SLCO4C1: variants seen among roughly 807,000 people sequenced by gnomAD.
SLCO4C1 encodes the protein organic anion transporter M1.
A neutral mutation model predicts 72.1 loss-of-function variants in SLCO4C1; 58 were observed. The observed-to-expected ratio is 0.80, with a 90% confidence interval of 0.65 to 1.00. SLCO4C1 has a LOEUF of 1.00. Ranked by LOEUF, SLCO4C1 falls within the 50% of genes least tolerant of loss-of-function variation. SLCO4C1 has a pLI of 0.00. For synonymous variants in SLCO4C1, 297 were observed against 312.5 expected (o/e 0.95, Z 0.52); for missense variants, 898 against 857.9 (o/e 1.05, Z -0.58).
intron 3 of SLCO4C1, among the ~76,000 whole-genome samples, chr5:102,269,168 T>C (rs1398729713): frequency 3.9e-5 from 6 of 152,140 alleles, no homozygotes; most frequent in Non-Finnish European, 7.4e-5. Context: ...GTTGAATCTA[T>C]TTGGGAATCC....
At chr5:102,285,845 C>T (rs1391612570) in intron 2 of SLCO4C1, among the ~76,000 whole-genome samples, 2 of 151,874 alleles carry the variant, frequency 1.3e-5, no homozygotes, top group Admixed American at 6.6e-5. Flanking sequence ...AAGTGACTTC[C>T]GTAAAGTAAA....
intron 2 of SLCO4C1, among the ~76,000 whole-genome samples, chr5:102,285,308 G>A (rs116319528): frequency 0.057 from 8,631 of 151,192 alleles, 363 homozygotes; most frequent in African/African-American, 0.12. Context: ...TTTTTGAGAC[G>A]AAGTCTCACA....
chr5:102,281,253 A>G (rs1051177603), intron 2 of SLCO4C1, among the ~76,000 whole-genome samples: 3 of 152,152 alleles, frequency 2.0e-5, no homozygotes, highest in African/African-American at 7.2e-5. Flanking sequence ...CTTATAAACA[A>G]AAATCAAACT....
chr5:102,236,609 T>C lies in SLCO4C1; in HGVS notation c.*249A>G, dbSNP rs1371316924. On this transcript the variant is annotated 3_prime_UTR_variant, in exon 13 of 13. Coordinates refer to ENST00000310954, the MANE Select transcript of SLCO4C1 (RefSeq NM_180991.5). Reference sequence around the variant, plus strand: ...GTGTGTGTGTGTGTGTGTGTTCGTGTGTGTGTGTGTGTGTGTGCTCGTGTG... The same window carrying C: ...GTGTGTGTGTGTGTGTGTGTTCGTGCGTGTGTGTGTGTGTGTGCTCGTGTG... 4 of 265,842 alleles carry C rather than the reference T, an allele frequency of 1.5e-5. No individual in the cohort carries two copies. The highest frequency in any genetic ancestry group is 6.7e-5 in the African/African-American group (2 of 29,680). 16.5% of individuals were successfully genotyped at this position (265,842 alleles called of 1,614,324 possible).
chr5:102,264,397 T>C (rs995576600), intron 3 of SLCO4C1, among the ~76,000 whole-genome samples: 1 of 149,720 alleles, frequency 6.7e-6, no homozygotes, highest in African/African-American at 2.5e-5. Flanking sequence ...TGACCACTCA[T>C]GTCTTTTTAT....
chr5:102,279,837 G>A (rs1561379100), intron 2 of SLCO4C1, among the ~76,000 whole-genome samples: 2 of 151,938 alleles, frequency 1.3e-5, no homozygotes, highest in African/African-American at 4.8e-5. Flanking sequence ...ATGATCACAT[G>A]ATCAGAAATC....
chr5:102,257,223 A>G lies in SLCO4C1; in HGVS notation c.1361T>C (p.Met454Thr), dbSNP rs777121103. ...TCCAGATGTGAACAGTGCAAACTTCATTGTGTTTTTACATGTCATTCTGAA... is the reference window on the plus strand; with the variant it reads ...TCCAGATGTGAACAGTGCAAACTTCGTTGTGTTTTTACATGTCATTCTGAA... ...SKFRMTCKNTMKFALFTSGVA... is the reference protein window; with the variant it reads ...SKFRMTCKNTTKFALFTSGVA... The change falls in exon 8 of 13, where the codon ATG becomes ACG. Residue 454 changes from methionine (M) to threonine (T), a missense_variant. Transcript: ENST00000310954. The G allele has an allele frequency of 3.1e-6, 5 of 1,611,600 alleles. No individual in the cohort carries two copies. The highest frequency in any genetic ancestry group is 2.2e-5 in the South Asian group (2 of 90,602).
intron 5 of SLCO4C1, among the ~76,000 whole-genome samples, chr5:102,261,519 C>T (rs1463113868): frequency 6.8e-6 from 1 of 147,888 alleles, no homozygotes; most frequent in African/African-American, 2.5e-5. Context: ...AAAAAAAGTA[C>T]TTGCACTTTT....
At chr5:102,292,456 T>G (rs1012443961) in intron 1 of SLCO4C1, among the ~76,000 whole-genome samples, 1 of 151,996 alleles carries the variant, frequency 6.6e-6, no homozygotes, top group Admixed American at 6.6e-5. Context: ...TCTTCCCTCC[T>G]CTCCCCAACT....
At chr5:102,272,022 A>G (rs1206096964) in intron 2 of SLCO4C1, among the ~76,000 whole-genome samples, 1 of 152,152 alleles carries the variant, frequency 6.6e-6, no homozygotes, top group Non-Finnish European at 1.5e-5. Flanking sequence ...TGGTGAATAT[A>G]ATCAGACAAT....
At chr5:102,247,591 A>G (rs570819150) in intron 9 of SLCO4C1, 149 bp from the exon 10 acceptor site, 1 of 498,044 alleles carries the variant, frequency 2.0e-6, no homozygotes, top group African/African-American at 2.0e-5. Flanking sequence ...AACCCTTAAG[A>G]AATTAAGCAA....
intron 2 of SLCO4C1, among the ~76,000 whole-genome samples, chr5:102,279,433 A>T (rs1303865385): frequency 3.3e-5 from 5 of 151,998 alleles, no homozygotes; most frequent in African/African-American, 1.2e-4. Flanking sequence ...TTTTTAATTA[A>T]GAAACTCCCC....
intron 3 of SLCO4C1, 81 bp downstream of exon 3, chr5:102,270,543 A>C: frequency 8.2e-7 from 1 of 1,225,378 alleles, no homozygotes; most frequent in Non-Finnish European, 1.1e-6. Context: ...ACTTTTTAGT[A>C]AGCCTATGTT....
chr5:102,249,656 A>T lies in SLCO4C1; in HGVS notation c.1602T>A (p.Val534=). The change falls in exon 9 of 13, where the codon GTT becomes GTA. Residue 534 remains valine (V), a synonymous_variant. Transcript: ENST00000310954. ...SPCFAGCSNP[V]AHRKPKVYYN... is the part of the protein sequence containing the mutation. ...AAGCTACCTTTGGCTTCCTGTGTGCAACTGGGTTTGAACAGCCTGCAAAGC... is the reference window on the plus strand; with the variant it reads ...AAGCTACCTTTGGCTTCCTGTGTGCTACTGGGTTTGAACAGCCTGCAAAGC... 2.5e-6 allele frequency: 4 copies of T among 1,613,808 alleles called. No individual in the cohort carries two copies. The highest frequency in any genetic ancestry group is 3.4e-6 in the Non-Finnish European group (4 of 1,179,904).
chr5:102,251,257 C>T (rs575395796), intron 8 of SLCO4C1, among the ~76,000 whole-genome samples: 32 of 152,102 alleles, frequency 2.1e-4, no homozygotes, highest in South Asian at 1.5e-3. Flanking sequence ...GTCAAAAGTT[C>T]GTTTTAAAGA....
At chr5:102,254,612 C>T (rs1748799541) in intron 8 of SLCO4C1, among the ~76,000 whole-genome samples, 1 of 152,108 alleles carries the variant, frequency 6.6e-6, no homozygotes, top group Non-Finnish European at 1.5e-5. Flanking sequence ...CAGTCAGCAG[C>T]CATCAACACT....
chr5:102,252,181 C>T (rs946324338), intron 8 of SLCO4C1, among the ~76,000 whole-genome samples: 1 of 151,968 alleles, frequency 6.6e-6, no homozygotes, highest in African/African-American at 2.4e-5. Context: ...ACCTCTGCCA[C>T]CATGAAGCTA....
chr5:102,238,351 A>C lies in SLCO4C1; in HGVS notation c.2014+900T>G, dbSNP rs571243161. ...AATATATAATTTTAAAAATTGAATA[A>C]AAAATGGTTTTTAACAACAGGTAAA... On this transcript the variant is annotated intron_variant, in intron 12 of 12. Coordinates refer to ENST00000310954, the MANE Select transcript of SLCO4C1 (RefSeq NM_180991.5). 9.2e-5 allele frequency among the ~76,000 whole-genome samples: 14 copies of C among 152,276 alleles called. No individual in the cohort carries two copies. The East Asian group carries it at 2.5e-3, about 27-fold the overall frequency.
At chr5:102,285,319 C>G (rs1749433063) in intron 2 of SLCO4C1, among the ~76,000 whole-genome samples, 1 of 152,086 alleles carries the variant, frequency 6.6e-6, no homozygotes, top group South Asian at 2.1e-4. Flanking sequence ...AAGTCTCACA[C>G]TGTTGCCCAG....
Sources: allele counts gnomAD v4.1 joint callset (sites outside exome capture counted in the v4.1 genomes callset), GRCh38; gene constraint gnomAD v4.1.1; transcripts MANE v1.5; gene names NCBI Gene and HGNC (gene_info 2026-07-23, HGNC 2026-07-21).